The following VXN variants were observed in gnomAD, a reference collection of about 807,000 sequenced individuals.
VXN encodes vexin, also known as uncharacterized protein C8orf46.
Under a neutral mutation model 23.1 loss-of-function variants are expected in VXN, and 7 were observed. The observed-to-expected ratio is 0.30, with a 90% CI of 0.17 to 0.57. The LOEUF (loss-of-function observed/expected upper bound fraction) is 0.57. Ranked by LOEUF, VXN falls within the 20% of genes least tolerant of loss-of-function variation. The probability of loss-of-function intolerance (pLI) is 0.91; values close to 1 mark genes in which losing one functional copy is unlikely to be tolerated. For missense variants in VXN, 238 were observed against 272.6 expected (o/e 0.87, Z 0.89); for synonymous variants, 120 against 105.8 (o/e 1.13, Z -0.83).
intron 4 of VXN, among the ~76,000 whole-genome samples, chr8:66,510,893 A>G (rs1807814384): frequency 6.6e-6 from 1 of 152,146 alleles, no homozygotes; most frequent in Non-Finnish European, 1.5e-5. Context: ...CCAATACCAT[A>G]CATCCAGGAC....
At chr8:66,508,395 C>T (rs1283563360) in intron 3 of VXN, among the ~76,000 whole-genome samples, 1 of 152,184 alleles carries the variant, frequency 6.6e-6, no homozygotes, top group Non-Finnish European at 1.5e-5. Context: ...AAATCTGCCC[C>T]TGTGCTCCCT....
At chr8:66,502,241 A>T (rs1807699759) in intron 2 of VXN, among the ~76,000 whole-genome samples, 1 of 152,194 alleles carries the variant, frequency 6.6e-6, no homozygotes, top group Non-Finnish European at 1.5e-5. Flanking sequence ...GCCCACTATC[A>T]TAGGAGTAAC....
chr8:66,503,251 A>G (rs1400160805), intron 2 of VXN, among the ~76,000 whole-genome samples: 1 of 152,214 alleles, frequency 6.6e-6, no homozygotes, highest in Non-Finnish European at 1.5e-5. Context: ...TGTGGTCTTG[A>G]GTAAGACACA....
chr8:66,515,780 G>A (rs1184472790), intron 5 of VXN, 113 bp from the exon 6 acceptor site: 5 of 899,226 alleles, frequency 5.6e-6, no homozygotes, highest in Non-Finnish European at 8.2e-6. Flanking sequence ...GTGGATCCCG[G>A]TCACTGAGGA....
At chr8:66,500,674 C>T (rs1205352761) in intron 2 of VXN, among the ~76,000 whole-genome samples, 1 of 152,082 alleles carries the variant, frequency 6.6e-6, no homozygotes, top group East Asian at 1.9e-4. Context: ...CACCCTTTCC[C>T]TCTTCCCTTC....
In VXN at chr8:66,516,258, T is replaced by C. The variant is rs1807894717; in HGVS notation, c.*182T>C. 1 of 459,616 alleles carries C rather than the reference T, an allele frequency of 2.2e-6. No individual in the cohort carries two copies. The highest frequency in any genetic ancestry group is 4.2e-5 in the Admixed American group (1 of 23,836). The allele number at this position is 459,616 out of a possible 1,614,324, so 28.5% of individuals were successfully genotyped here. On this transcript the variant is annotated 3_prime_UTR_variant, in exon 6 of 6. Coordinates refer to ENST00000305454, the MANE Select transcript of VXN (RefSeq NM_152765.4). ...AAAGAAATGTCCCTCGAAGGCAATA[T>C]AAAACTGCCCCTTCTTAGAATTGCT...
rs762472338 is a variant in VXN, at chr8:66,513,556, G to A, written c.359G>A (p.Arg120Gln). Residue 120 changes from arginine (R) to glutamine (Q), a missense_variant, in exon 5 of 6, where the codon CGG becomes CAG. Physicochemically the swap from Arg to Gln is conservative, Grantham distance 43. Coordinates refer to ENST00000305454, the MANE Select transcript of VXN (RefSeq NM_152765.4). ...TCATGACAGATACCGCCAGTGCCCC[G>A]GATCTCAGTGAAAACTTCAGCCTCT... is the stretch of plus-strand genomic sequence containing the variant. The part of the protein sequence containing the change: ...YGKSLIPPVP[R>Q]ISVKTSASAS... 2.0e-5 allele frequency: 32 copies of A among 1,613,994 alleles called. No homozygotes were observed. The highest frequency in any genetic ancestry group is 2.2e-5 in the South Asian group (2 of 91,082).
At chr8:66,509,048 C>T (rs559405161) in intron 3 of VXN, among the ~76,000 whole-genome samples, 2 of 152,304 alleles carry the variant, frequency 1.3e-5, no homozygotes, top group Admixed American at 6.5e-5. Context: ...AATACTTTTA[C>T]GGTTTATGCT....
intron 4 of VXN, among the ~76,000 whole-genome samples, chr8:66,512,359 A>G (rs1807834247): frequency 6.6e-6 from 1 of 152,240 alleles, no homozygotes; most frequent in Admixed American, 6.5e-5. Context: ...TGCACGGACC[A>G]CAAGGTGGCA....
At chr8:66,506,207 CAGAGAGAG>C (rs150065293) in intron 3 of VXN, among the ~76,000 whole-genome samples, 76 of 140,182 alleles carry the variant, frequency 5.4e-4, no homozygotes, top group Middle Eastern at 7.3e-3. Flanking sequence ...ATTTATTTAA[CAGAGAGAG>C]AGAGAGAGAG....
chr8:66,501,273 T>C (rs1440724942), intron 2 of VXN: 1 of 152,206 alleles, frequency 6.6e-6, no homozygotes, highest in Admixed American at 6.5e-5. Context: ...CTTCTCTGTA[T>C]CATTTCAATT....
At chr8:66,510,030 G>A in intron 3 of VXN, 66 bp from the exon 4 acceptor site, 1 of 1,439,210 alleles carries the variant, frequency 6.9e-7, no homozygotes, top group Non-Finnish European at 9.8e-7. Flanking sequence ...GGTAATTGAT[G>A]CAGGGCCAGT....
chr8:66,512,906 T>C (rs977165984), intron 4 of VXN, among the ~76,000 whole-genome samples: 5 of 152,188 alleles, frequency 3.3e-5, no homozygotes, highest in Admixed American at 6.5e-5. Context: ...GGGCGTCCTG[T>C]GCTGAGGAGC....
At chr8:66,505,625 C>T (rs1807744785) in intron 3 of VXN, 97 bp downstream of exon 3, 3 of 1,369,268 alleles carry the variant, frequency 2.2e-6, no homozygotes, top group Non-Finnish European at 1.9e-6. Context: ...TTGGCGGTGG[C>T]TGCGGCCTCA....
Position 66,499,206 on chromosome 8 carries a change from A to G in VXN, c.126+2714A>G, listed in dbSNP as rs796859316. ...AGAGCCTGACACATATAAGCATTCA[A>G]TAAGTATTGGGTTGGTTTTTTTTTT... On this transcript the variant is annotated intron_variant, in intron 2 of 5. Transcript: ENST00000305454. Among the ~76,000 whole-genome samples the G allele has an allele frequency of 4.0e-5, 6 of 150,322 alleles. No individual in the cohort carries two copies. In the East Asian group the frequency reaches 9.7e-4, roughly 24 times the overall value.
At chr8:66,503,633 TCTC>T (rs1436306045) in intron 2 of VXN, 1 of 152,232 alleles carries the variant, frequency 6.6e-6, no homozygotes, top group African/African-American at 2.4e-5. Context: ...AACCCTTCTC[TCTC>T]CTCCTCCCTG....
At chr8:66,509,797 G>T (rs1563508598) in intron 3 of VXN, among the ~76,000 whole-genome samples, 1 of 151,910 alleles carries the variant, frequency 6.6e-6, no homozygotes, top group Admixed American at 6.6e-5. Flanking sequence ...TATACCTCCT[G>T]CCCCCTCATA....
At chr8:66,515,137 C>T (rs1807872181) in intron 5 of VXN, among the ~76,000 whole-genome samples, 1 of 152,234 alleles carries the variant, frequency 6.6e-6, no homozygotes, top group Non-Finnish European at 1.5e-5. Flanking sequence ...CTGTTGCTGG[C>T]TGCTGGTGTA....
At chr8:66,504,768 C>T (rs1807730406) in intron 2 of VXN, among the ~76,000 whole-genome samples, 1 of 152,198 alleles carries the variant, frequency 6.6e-6, no homozygotes, top group Non-Finnish European at 1.5e-5. Flanking sequence ...CAGCTCCACC[C>T]TGACCCAGGC....
Sources: allele counts gnomAD v4.1 joint callset (sites outside exome capture counted in the v4.1 genomes callset), GRCh38; gene constraint gnomAD v4.1.1; transcripts MANE v1.5; gene names NCBI Gene and HGNC (gene_info 2026-07-23, HGNC 2026-07-21).